Variants in RAB3C observed in about 807,000 individuals in gnomAD.
The protein encoded by RAB3C is RAB3C, member RAS oncogene family.
Under a neutral mutation model 26.4 loss-of-function variants are expected in RAB3C, and 17 were observed. The observed-to-expected ratio is 0.64, with a 90% CI of 0.44 to 0.97. The LOEUF (loss-of-function observed/expected upper bound fraction) is 0.97. RAB3C is among the 50% of genes least tolerant of loss of function. RAB3C has a pLI of 0.00. For missense variants in RAB3C, 242 were observed against 281.9 expected (o/e 0.86, Z 1.01); for synonymous variants, 91 against 95.9 (o/e 0.95, Z 0.30).
At chr5:58,624,553 C>G (rs1256597551) in intron 2 of RAB3C, among the ~76,000 whole-genome samples, 1 of 152,148 alleles carries the variant, frequency 6.6e-6, no homozygotes, top group Non-Finnish European at 1.5e-5. Context: ...AAACACATTG[C>G]TAAAGCCCAC....
At chr5:58,834,799 C>A (rs1372739152) in intron 4 of RAB3C, among the ~76,000 whole-genome samples, 1 of 152,178 alleles carries the variant, frequency 6.6e-6, no homozygotes, top group African/African-American at 2.4e-5. Flanking sequence ...TATCCATGGG[C>A]TGGGAAGGGA....
chr5:58,611,991 C>T (rs928816131), intron 1 of RAB3C, among the ~76,000 whole-genome samples: 2 of 152,066 alleles, frequency 1.3e-5, no homozygotes, highest in Non-Finnish European at 2.9e-5. Context: ...ATAGGGAGTC[C>T]TTTCCCCATT....
intron 3 of RAB3C, among the ~76,000 whole-genome samples, chr5:58,813,819 AC>A (rs1458900284): frequency 6.6e-6 from 1 of 152,160 alleles, no homozygotes; most frequent in African/African-American, 2.4e-5. Flanking sequence ...AAATGAATTT[AC>A]CAAGTTACAA....
At chr5:58,770,806 C>A (rs1742016351) in intron 3 of RAB3C, among the ~76,000 whole-genome samples, 1 of 151,912 alleles carries the variant, frequency 6.6e-6, no homozygotes, top group Non-Finnish European at 1.5e-5. Context: ...TTATTTTATA[C>A]CTTCTTATTT....
chr5:58,596,663 T>C (rs1283508737), intron 1 of RAB3C, among the ~76,000 whole-genome samples: 8 of 21,328 alleles, frequency 3.8e-4, no homozygotes, highest in Non-Finnish European at 9.4e-4. Context: ...ATACATAATA[T>C]ATTATATATA....
rs139416216 is a variant in RAB3C at position 58,709,733 on chromosome 5, C to T, written c.253-16269C>T. The stretch of plus-strand genomic sequence containing the variant: ...TGACCCACGCCTCTGATTTCATGTC[C>T]TCCAATTATGGATCCGAGCGCCAGT... On this transcript the variant is annotated intron_variant, in intron 2 of 4. Transcript: ENST00000282878. Among the ~76,000 whole-genome samples the T allele has an allele frequency of 8.3e-3, 1,264 of 152,254 alleles. 12 individuals are homozygous for T. Among genetic ancestry groups the T allele is most frequent in the Non-Finnish European group, 0.012 (836 of 68,018 alleles).
At position 58,826,620 on chromosome 5, in the gene RAB3C, ACTT is replaced by A. The variant is rs375544273; in HGVS notation, c.496+1461_496+1463del. Reference sequence around the variant, plus strand: ...GCAACCCAATACATACATATATAAAACTTCTGTAAAACAAAAGTTTTACAAAAC... The same window carrying A: ...GCAACCCAATACATACATATATAAAACTGTAAAACAAAAGTTTTACAAAAC... On this transcript the variant is annotated intron_variant, in intron 4 of 4. Transcript: ENST00000282878. Among the ~76,000 whole-genome samples the A allele has an allele frequency of 2.4e-4, 37 of 152,282 alleles. No homozygotes were observed. The East Asian group carries it at 5.6e-3, about 23-fold the overall frequency.
intron 3 of RAB3C, among the ~76,000 whole-genome samples, chr5:58,755,632 C>A (rs978441624): frequency 1.3e-5 from 2 of 152,172 alleles, no homozygotes; most frequent in African/African-American, 4.8e-5. Context: ...GCTGCCAGGG[C>A]TTGTACTGCG....
chr5:58,718,565 A>G (rs1282196476), intron 2 of RAB3C, among the ~76,000 whole-genome samples: 1 of 152,070 alleles, frequency 6.6e-6, no homozygotes, highest in Non-Finnish European at 1.5e-5. Flanking sequence ...TTTACTTAGA[A>G]GTGGATGCCA....
At chr5:58,604,049 T>C (rs2111691510) in intron 1 of RAB3C, among the ~76,000 whole-genome samples, 1 of 152,332 alleles carries the variant, frequency 6.6e-6, no homozygotes, top group Non-Finnish European at 1.5e-5. Context: ...TGGCTTCCTG[T>C]GAGCCAAACT....
intron 2 of RAB3C, among the ~76,000 whole-genome samples, chr5:58,706,176 T>C (rs1275471895): frequency 6.6e-6 from 1 of 152,158 alleles, no homozygotes; most frequent in Non-Finnish European, 1.5e-5. Context: ...TAGTTTATGG[T>C]GGCCATGTTG....
At chr5:58,831,912 T>C (rs1743620867) in intron 4 of RAB3C, among the ~76,000 whole-genome samples, 2 of 152,224 alleles carry the variant, frequency 1.3e-5, no homozygotes, top group African/African-American at 4.8e-5. Flanking sequence ...GTGACCAAGC[T>C]GCATCCCAAG....
chr5:58,826,171 C>A (rs990458275), intron 4 of RAB3C, among the ~76,000 whole-genome samples: 1 of 151,688 alleles, frequency 6.6e-6, no homozygotes, highest in African/African-American at 2.4e-5. Context: ...GCAGAGAGGG[C>A]CCCCGGGGAG....
rs1010051129 is a variant in RAB3C at position 58,617,640 on chromosome 5, C to T, written c.25-3C>T. ...TTTTTGTTTTGTTTTGTTTTTATCA[C>T]AGATGGCCTCTGCCCAAGATGCCAG... On this transcript the variant is annotated splice_polypyrimidine_tract_variant and splice_region_variant and intron_variant, in intron 1 of 4. Transcript: ENST00000282878. 6.2e-7 allele frequency: 1 copy of T among 1,609,462 alleles called. No individual in the cohort carries two copies. The highest frequency in any genetic ancestry group is 8.5e-7 in the Non-Finnish European group (1 of 1,176,010).
chr5:58,793,449 C>T (rs1193618158), intron 3 of RAB3C, among the ~76,000 whole-genome samples: 1 of 150,660 alleles, frequency 6.6e-6, no homozygotes, highest in Admixed American at 6.6e-5. Flanking sequence ...CCCAGCTACT[C>T]AGGAGGCTGA....
chr5:58,748,031 TG>T, intron 3 of RAB3C, among the ~76,000 whole-genome samples: 1 of 152,278 alleles, frequency 6.6e-6, no homozygotes, highest in African/African-American at 2.4e-5. Context: ...AATGGCAGAA[TG>T]TAATAATAAT....
At chr5:58,632,927 C>A (rs1747215156) in intron 2 of RAB3C, among the ~76,000 whole-genome samples, 1 of 152,172 alleles carries the variant, frequency 6.6e-6, no homozygotes, top group African/African-American at 2.4e-5. Context: ...ATTTTCTCTC[C>A]ATTCACCTTC....
At chr5:58,602,054 T>C (rs778519770) in intron 1 of RAB3C, among the ~76,000 whole-genome samples, 2 of 152,112 alleles carry the variant, frequency 1.3e-5, no homozygotes, top group Non-Finnish European at 2.9e-5. Flanking sequence ...TGTGTCATTA[T>C]TGTCATTCAG....
chr5:58,741,468 A>G (rs1741273096), intron 3 of RAB3C: 1 of 152,144 alleles, frequency 6.6e-6, no homozygotes, highest in Non-Finnish European at 1.5e-5. Context: ...AGCATAAACC[A>G]TCAAATATGC....
Sources: allele counts gnomAD v4.1 joint callset (sites outside exome capture counted in the v4.1 genomes callset), GRCh38; gene constraint gnomAD v4.1.1; transcripts MANE v1.5; gene names NCBI Gene and HGNC (gene_info 2026-07-23, HGNC 2026-07-21).